The following PBRM1 variants were observed in gnomAD, a reference collection of about 807,000 sequenced individuals.
PBRM1 encodes the protein protein polybromo-1.
Under a neutral mutation model 194.5 loss-of-function variants are expected in PBRM1, and 27 were observed. The ratio of observed to expected loss-of-function variants is 0.14; its 90% CI spans 0.10 to 0.19. The LOEUF is 0.19. Among genes scored for constraint, PBRM1 ranks in the 10% least tolerant of loss-of-function variants. The probability of loss-of-function intolerance (pLI) is 1.00; values close to 1 mark genes in which losing one functional copy is unlikely to be tolerated. For missense variants in PBRM1, 1,466 were observed against 2,077.2 expected, an observed-to-expected ratio of 0.71 and a Z score of 5.72; for synonymous variants, 655 against 693.2, an observed-to-expected ratio of 0.94 and a Z score of 0.87.
intron 17 of PBRM1, among the ~76,000 whole-genome samples, chr3:52,592,144 T>A (rs1308871966): frequency 6.9e-6 from 1 of 145,378 alleles, no homozygotes; most frequent in Non-Finnish European, 1.5e-5. Flanking sequence ...TTTTTTTTTT[T>A]AAGACTTGAG....
chr3:52,567,565 C>CA (rs10644120), intron 22 of PBRM1, among the ~76,000 whole-genome samples: 1,198 of 91,520 alleles, frequency 0.013, 21 homozygotes, highest in East Asian at 0.038. Context: ...TAGGTAATCT[C>CA]AAAAAAAAAA....
At chr3:52,649,029 T>C (rs2096410226) in intron 6 of PBRM1, among the ~76,000 whole-genome samples, 1 of 152,048 alleles carries the variant, frequency 6.6e-6, no homozygotes, top group African/African-American at 2.4e-5. Flanking sequence ...ACATGACTAA[T>C]GGTAAGTACA....
chr3:52,622,586 C>T (rs1019203693), intron 13 of PBRM1, among the ~76,000 whole-genome samples: 3 of 152,142 alleles, frequency 2.0e-5, no homozygotes, highest in African/African-American at 7.2e-5. Flanking sequence ...ATTCTGAATC[C>T]CTGATGTGTG....
chr3:52,676,071 C>T (rs1330248434), intron 2 of PBRM1, among the ~76,000 whole-genome samples: 1 of 40,106 alleles, frequency 2.5e-5, no homozygotes, highest in Admixed American at 3.4e-4. Context: ...GCCGAGATCC[C>T]GCCACTGCAC....
chr3:52,586,747 T>TAAAAAA, intron 19 of PBRM1, 59 bp from the exon 22 acceptor site: 6 of 145,056 alleles, frequency 4.1e-5, no homozygotes, highest in Non-Finnish European at 6.3e-5. Flanking sequence ...TGAAAATCAA[T>TAAAAAA]CAAAAAAAAA....
upstream of PBRM1, chr3:52,685,837 C>CCGGCCG (rs1434220293): frequency 1.3e-5 from 6 of 478,098 alleles, no homozygotes; most frequent in Admixed American, 4.4e-5. Flanking sequence ...TATTGCTCCT[C>CCGGCCG]CGGCCGCGGC....
At chr3:52,559,559 T>C (rs906020125) in intron 25 of PBRM1, among the ~76,000 whole-genome samples, 3 of 152,092 alleles carry the variant, frequency 2.0e-5, no homozygotes, top group Non-Finnish European at 4.4e-5. Context: ...ACTCCTGATA[T>C]CACACTCCAA....
intron 4 of PBRM1, among the ~76,000 whole-genome samples, chr3:52,661,585 G>T (rs942531472): frequency 6.6e-6 from 1 of 152,140 alleles, no homozygotes; most frequent in East Asian, 1.9e-4. Flanking sequence ...AGGGTGGTCA[G>T]GAAAGTCCTG....
chr3:52,586,635 A>G (rs2153775174), exon 20 of PBRM1: 1 of 1,613,676 alleles, frequency 6.2e-7, no homozygotes, highest in East Asian at 2.2e-5. Context: ...ACCGTGATTC[A>G]CAGACAAAAA....
chr3:52,579,237 TAATC>T (rs762203893), intron 20 of PBRM1, 38 bp from the exon 23 acceptor site: 2 of 1,586,244 alleles, frequency 1.3e-6, no homozygotes, highest in Non-Finnish European at 1.7e-6. Context: ...AGGTAGTTGA[TAATC>T]AAGGAATAGA....
At chr3:52,606,926 CTT>C (rs1372031865) in intron 16 of PBRM1, among the ~76,000 whole-genome samples, 1 of 152,192 alleles carries the variant, frequency 6.6e-6, no homozygotes, top group Non-Finnish European at 1.5e-5. Flanking sequence ...GAATTTTTCT[CTT>C]GTTACGTCTC....
exon 27 of PBRM1, chr3:52,554,858 G>A: frequency 6.2e-7 from 1 of 1,607,106 alleles, no homozygotes; most frequent in Non-Finnish European, 8.5e-7. Context: ...TGGAAGGCCT[G>A]GCGGATAGCC....
intron 3 of PBRM1, 96 bp from the exon 5 acceptor site, chr3:52,662,372 T>C (rs2153933095): frequency 9.8e-7 from 1 of 1,021,308 alleles, no homozygotes; most frequent in East Asian, 2.5e-5. Flanking sequence ...AGACCAAAAA[T>C]TGTTACAAAT....
chr3:52,548,075 T>C (rs1261901843), exon 30 of PBRM1: 2 of 1,610,626 alleles, frequency 1.2e-6, no homozygotes, highest in Admixed American at 3.4e-5. Flanking sequence ...AAACATTTTC[T>C]AGGTTGTATG....
At chr3:52,585,207 G>A (rs747152862) in intron 20 of PBRM1, among the ~76,000 whole-genome samples, 1 of 152,020 alleles carries the variant, frequency 6.6e-6, no homozygotes, top group South Asian at 2.1e-4. Flanking sequence ...TTATTTTTCA[G>A]GTTGTGAAAT....
chr3:52,633,502 G>A (rs1438876738), intron 11 of PBRM1, among the ~76,000 whole-genome samples: 1 of 152,042 alleles, frequency 6.6e-6, no homozygotes, highest in Non-Finnish European at 1.5e-5. Flanking sequence ...TTGAGACCCT[G>A]CTTTCATTTC....
intron 14 of PBRM1, 102 bp from the exon 17 acceptor site, chr3:52,615,558 G>C (rs1396263792): frequency 7.0e-6 from 5 of 718,136 alleles, no homozygotes; most frequent in Non-Finnish European, 1.2e-5. Flanking sequence ...ATGATAGTTG[G>C]GAGCTTAAAG....
intron 16 of PBRM1, among the ~76,000 whole-genome samples, chr3:52,604,318 TG>T (rs1403916380): frequency 1.3e-5 from 2 of 152,204 alleles, no homozygotes; most frequent in Admixed American, 6.5e-5. Flanking sequence ...TGTGTAATTC[TG>T]GGGAACCAGC....
At chr3:52,641,577 G>C (rs1000867005) in intron 10 of PBRM1, among the ~76,000 whole-genome samples, 1 of 150,494 alleles carries the variant, frequency 6.6e-6, no homozygotes, top group Non-Finnish European at 1.5e-5. Flanking sequence ...TCAAACTTAA[G>C]AGAAAGACAA....
Sources: gnomAD v4.1 joint callset for allele counts (sites outside exome capture counted in the v4.1 genomes callset) on GRCh38, gnomAD v4.1.1 for gene constraint, MANE v1.5 for transcripts, NCBI Gene and HGNC (gene_info 2026-07-23, HGNC 2026-07-21) for gene names.